ACAA2: variants seen among roughly 807,000 people sequenced by gnomAD.
ACAA2 encodes the protein 3-ketoacyl-CoA thiolase, mitochondrial.
ACAA2 carries 35 observed loss-of-function variants against 44.8 expected under a neutral mutation model. The observed-to-expected ratio is 0.78, with a 90% CI of 0.60 to 1.04. The LOEUF (loss-of-function observed/expected upper bound fraction) is 1.04. Ranked by LOEUF, ACAA2 falls within the 50% of genes least tolerant of loss-of-function variation. The pLI, the probability that ACAA2 is intolerant of heterozygous loss-of-function variation, is 0.00. For synonymous variants in ACAA2, 142 were observed against 166.5 expected, an observed-to-expected ratio of 0.85 and a Z score of 1.13; for missense variants, 468 against 482.6, an observed-to-expected ratio of 0.97 and a Z score of 0.28.
rs755919369 is a variant in ACAA2 at position 49,783,839 on chromosome 18, T to C, written c.*8A>G. On this transcript the variant is annotated 3_prime_UTR_variant, in exon 10 of 10. Transcript: ENST00000285093. ...TAAGGATGGGTCACAGTGAGCTCAC[T>C]GGTCTCTTCAGGCTGTGCTCTGAAT... 6.8e-6 allele frequency: 11 copies of C among 1,611,524 alleles called. No homozygotes were observed. Among genetic ancestry groups the C allele is most frequent in the Non-Finnish European group, 9.3e-6 (11 of 1,178,576 alleles).
intron 8 of ACAA2, among the ~76,000 whole-genome samples, chr18:49,786,837 A>C (rs1470158866): frequency 6.6e-6 from 1 of 152,308 alleles, no homozygotes; most frequent in South Asian, 2.1e-4. Context: ...ATCAAGCTAC[A>C]ACTATCGTAT....
intron 5 of ACAA2, among the ~76,000 whole-genome samples, chr18:49,792,785 T>C (rs914421318): frequency 3.3e-5 from 5 of 152,142 alleles, no homozygotes; most frequent in African/African-American, 1.2e-4. Flanking sequence ...ACCTTCCGTA[T>C]TGGAGGATTT....
intron 5 of ACAA2, among the ~76,000 whole-genome samples, chr18:49,793,973 G>A (rs938391422): frequency 1.3e-5 from 2 of 152,092 alleles, no homozygotes; most frequent in Non-Finnish European, 1.5e-5. Flanking sequence ...CTGACAGAAC[G>A]TATCGTATTC....
intron 1 of ACAA2, among the ~76,000 whole-genome samples, chr18:49,805,765 T>C (rs968928481): frequency 1.1e-4 from 16 of 151,886 alleles, no homozygotes; most frequent in South Asian, 2.1e-4. Context: ...TTTTCTTTTT[T>C]TTTTTTGTAG....
chr18:49,800,253 C>A (rs62100242), intron 2 of ACAA2, among the ~76,000 whole-genome samples: 1 of 134,868 alleles, frequency 7.4e-6, no homozygotes, highest in Admixed American at 7.3e-5. Context: ...CCAGCCGCCC[C>A]GTCCGGGAGG....
In ACAA2 at chr18:49,795,798, C is replaced by T. The variant is rs1386201748; in HGVS notation, c.396G>A (p.Val132=). The change falls in exon 4 of 10, where the codon GTG becomes GTA. Residue 132 remains valine (V), a synonymous_variant. Transcript: ENST00000285093. ...MSQAPYCVRN[V]RFGTKLGSDI... is the part of the protein sequence containing the mutation. ...CTGATCCAAGCTTGGTTCCAAAACGCACATTTCTGACACAGTAGGGAGCTT... is the reference window on the plus strand; with the variant it reads ...CTGATCCAAGCTTGGTTCCAAAACGTACATTTCTGACACAGTAGGGAGCTT... The T allele has an allele frequency of 3.1e-6, 5 of 1,609,844 alleles. No homozygotes were observed. Among genetic ancestry groups the T allele is most frequent in the Non-Finnish European group, 4.2e-6 (5 of 1,178,194 alleles).
In ACAA2 at chr18:49,810,541, C is replaced by CA. The variant is rs1415452217; in HGVS notation, c.16+2927dup. On this transcript the variant is annotated intron_variant, in intron 1 of 9. Coordinates refer to ENST00000285093, the MANE Select transcript of ACAA2 (RefSeq NM_006111.3). ...AAGGGTGTGCATGGGAAAATAAAAA[C>CA]AAAAAAAAACCTCCCCTTTACCTAT... is the stretch of plus-strand genomic sequence containing the variant. Among the ~76,000 whole-genome samples, 406 of 150,744 alleles carry CA rather than the reference C, an allele frequency of 2.7e-3. 1 individual carries two copies. Among genetic ancestry groups the CA allele is most frequent in the African/African-American group, 4.6e-3 (191 of 41,096 alleles).
intron 5 of ACAA2, 68 bp downstream of exon 5, chr18:49,794,212 A>G (rs2023438589): frequency 4.2e-6 from 5 of 1,180,756 alleles, no homozygotes; most frequent in Non-Finnish European, 5.6e-6. Flanking sequence ...TAACCATAAT[A>G]GAAATGATGA....
At chr18:49,809,392 T>A (rs909583415) in intron 1 of ACAA2, among the ~76,000 whole-genome samples, 1 of 152,216 alleles carries the variant, frequency 6.6e-6, no homozygotes, top group Non-Finnish European at 1.5e-5. Flanking sequence ...AGGGAAGTGA[T>A]AAATGTCCAT....
intron 1 of ACAA2, among the ~76,000 whole-genome samples, chr18:49,809,313 G>C (rs543835319): frequency 6.6e-6 from 1 of 152,152 alleles, no homozygotes. Flanking sequence ...CTGAGGTGAC[G>C]TACATCCTCA....
At chr18:49,799,230 C>CCCCCTCCTCT (rs2023499825) in intron 2 of ACAA2, among the ~76,000 whole-genome samples, 1 of 151,906 alleles carries the variant, frequency 6.6e-6, no homozygotes, top group African/African-American at 2.4e-5. Context: ...CCCCCTCCTC[C>CCCCCTCCTCT]TCCCCCTCTC....
At chr18:49,785,096 TGAA>T (rs1329645370) in intron 9 of ACAA2, 98 bp downstream of exon 9, 38 of 1,390,682 alleles carry the variant, frequency 2.7e-5, no homozygotes, top group South Asian at 2.1e-4. Context: ...GCAGGAGACA[TGAA>T]GAAGAATGAA....
chr18:49,808,541 G>A (rs933422936), intron 1 of ACAA2, among the ~76,000 whole-genome samples: 1 of 152,176 alleles, frequency 6.6e-6, no homozygotes, highest in African/African-American at 2.4e-5. Context: ...TACAAAGAGA[G>A]GAATTTTACA....
rs1000116033 is a variant in ACAA2, at chr18:49,802,710, C to T, written c.160G>A (p.Val54Met). ...GKVSPETVDS[V>M]IMGNVLQSSS... Reference sequence around the variant, plus strand: ...ACCTGCAGGACATTGCCCATAATCACACTGTCAACTGTTTCAGGTGAGACT... The same window carrying T: ...ACCTGCAGGACATTGCCCATAATCATACTGTCAACTGTTTCAGGTGAGACT... The change falls in exon 2 of 10, where the codon GTG becomes ATG. Residue 54 changes from valine (V) to methionine (M), a missense_variant. By Grantham distance (21) the Val-to-Met change is conservative. Coordinates refer to ENST00000285093, the MANE Select transcript of ACAA2 (RefSeq NM_006111.3). 6.2e-7 allele frequency: 1 copy of T among 1,613,976 alleles called. No homozygotes were observed. The highest frequency in any genetic ancestry group is 1.3e-5 in the African/African-American group (1 of 74,902).
chr18:49,795,742 T>C (rs758290086), intron 4 of ACAA2, 23 bp downstream of exon 4: 52 of 1,444,228 alleles, frequency 3.6e-5, no homozygotes, highest in Non-Finnish European at 4.6e-5. Context: ...GAACTAATTC[T>C]TTTAAATTTT....
rs750745750 is a variant in ACAA2 at position 49,792,230 on chromosome 18, G to T, written c.675C>A (p.Pro225=). ...QTMQVDEHAR[P]QTTLEQLQKL... ...TCTGTAACTGTTCCAGGGTGGTTTG[G>T]GGCCGAGCATGCTCGTCTACCTGCA... The change falls in exon 6 of 10, where the codon CCC becomes CCA. Residue 225 remains proline (P), a synonymous_variant. Transcript: ENST00000285093. 1.2e-6 allele frequency: 2 copies of T among 1,613,830 alleles called. No individual in the cohort carries two copies. The highest frequency in any genetic ancestry group is 1.7e-6 in the Non-Finnish European group (2 of 1,179,810).
At chr18:49,810,957 G>C (rs920006569) in intron 1 of ACAA2, among the ~76,000 whole-genome samples, 1 of 44,426 alleles carries the variant, frequency 2.3e-5, no homozygotes, top group African/African-American at 9.4e-5. Context: ...TGTGCAGATA[G>C]ACTATAAAGG....
At position 49,787,367 on chromosome 18, in the gene ACAA2, T is replaced by TAATA; in HGVS notation, c.884-10_884-7dup. 2.8e-6 allele frequency: 4 copies of TAATA among 1,406,440 alleles called. No homozygotes were observed. The highest frequency in any genetic ancestry group is 3.7e-6 in the Non-Finnish European group (4 of 1,076,570). The allele number at this position is 1,406,440 out of a possible 1,614,324, so 87.1% of individuals were successfully genotyped here. ...ACTGATAGCAGGGACAGGACCTATA[T>TAATA]AATAATAAAAATCTTCTATAAAAAT... On this transcript the variant is annotated splice_polypyrimidine_tract_variant and splice_region_variant and intron_variant, in intron 7 of 9. Coordinates refer to ENST00000285093, the MANE Select transcript of ACAA2 (RefSeq NM_006111.3).
intron 6 of ACAA2, 24 bp downstream of exon 6, chr18:49,792,128 G>C: frequency 6.3e-7 from 1 of 1,594,292 alleles, no homozygotes; most frequent in Non-Finnish European, 8.6e-7. Context: ...AAGAATTCAA[G>C]CTAATCTGTG....
Sources: allele counts gnomAD v4.1 joint callset (sites outside exome capture counted in the v4.1 genomes callset), GRCh38; gene constraint gnomAD v4.1.1; transcripts MANE v1.5; gene names NCBI Gene and HGNC (gene_info 2026-07-23, HGNC 2026-07-21).